Variants in RASGRP3 observed in about 807,000 individuals in gnomAD.
The protein encoded by RASGRP3 is RAS guanyl releasing protein 3, also known as ras guanyl-releasing protein 3.
A neutral mutation model predicts 82.7 loss-of-function variants in RASGRP3; 54 were observed. The observed-to-expected ratio is 0.65, with a 90% CI of 0.52 to 0.82. The LOEUF is 0.82. Among genes scored for constraint, RASGRP3 ranks in the 40% least tolerant of loss-of-function variants. The pLI, the probability that RASGRP3 is intolerant of heterozygous loss-of-function variation, is 0.00. For missense variants in RASGRP3, 861 were observed against 828.9 expected (o/e 1.04, Z -0.48); for synonymous variants, 309 against 300.5 (o/e 1.03, Z -0.29).
rs75479776 is a variant in RASGRP3 at position 33,564,377 on chromosome 2, C to G, written c.*1640C>G. On this transcript the variant is annotated 3_prime_UTR_variant, in exon 18 of 18. Coordinates refer to ENST00000403687, the MANE Select transcript of RASGRP3 (RefSeq NM_001139488.2). ...GTGATTAAGCTGGATAATAAGAGAA[C>G]GTGCCATCTGTAAAGCACTCAGAAG... is the stretch of plus-strand genomic sequence containing the variant. 5.3e-5 allele frequency: 8 copies of G among 152,242 alleles called. No individual in the cohort carries two copies. The highest frequency in any genetic ancestry group is 1.7e-4 in the African/African-American group (7 of 41,546). The allele number at this position is 152,242 out of a possible 1,614,324, so 9.4% of individuals were successfully genotyped here. A position where few individuals can be genotyped will look rare whatever the true frequency, so the allele number is the denominator to read the frequency against.
At chr2:33,438,756 G>T (rs1454982712) in intron 1 of RASGRP3, among the ~76,000 whole-genome samples, 1 of 152,048 alleles carries the variant, frequency 6.6e-6, no homozygotes, top group Non-Finnish European at 1.5e-5. Context: ...TAATTACATA[G>T]AAATGTATTG....
intron 2 of RASGRP3, among the ~76,000 whole-genome samples, chr2:33,467,500 G>A (rs1666769562): frequency 6.6e-6 from 1 of 152,190 alleles, no homozygotes; most frequent in Admixed American, 6.5e-5. Flanking sequence ...GTCTGAAAAA[G>A]AGATTGCACA....
At chr2:33,513,684 G>A (rs1347201604) in intron 2 of RASGRP3, among the ~76,000 whole-genome samples, 2 of 152,210 alleles carry the variant, frequency 1.3e-5, no homozygotes, top group African/African-American at 4.8e-5. Flanking sequence ...GACCTGCTCT[G>A]TAAAATAAAG....
chr2:33,558,515 C>G (rs1185433789), intron 16 of RASGRP3, among the ~76,000 whole-genome samples, 157 bp from the exon 17 acceptor site: 1 of 152,166 alleles, frequency 6.6e-6, no homozygotes, highest in East Asian at 1.9e-4. Flanking sequence ...GCTTTCTAGT[C>G]TCAGGAATAT....
chr2:33,537,959 A>T (rs748440889), intron 11 of RASGRP3, among the ~76,000 whole-genome samples: 2 of 152,254 alleles, frequency 1.3e-5, no homozygotes, highest in African/African-American at 2.4e-5. Context: ...CAGAACAGTC[A>T]GAAGTGCTTA....
intron 1 of RASGRP3, among the ~76,000 whole-genome samples, chr2:33,444,949 C>T (rs1169017552): frequency 6.6e-6 from 1 of 152,174 alleles, no homozygotes; most frequent in Non-Finnish European, 1.5e-5. Context: ...ACATTATGCT[C>T]CTAATAGTGC....
At chr2:33,470,155 G>A (rs937926011) in intron 2 of RASGRP3, among the ~76,000 whole-genome samples, 14 of 151,678 alleles carry the variant, frequency 9.2e-5, no homozygotes, top group Admixed American at 3.3e-4. Flanking sequence ...AATTTATTTG[G>A]GATTTTAAGC....
At chr2:33,479,446 G>A (rs1311765325) in intron 1 of RASGRP3, among the ~76,000 whole-genome samples, 1 of 152,148 alleles carries the variant, frequency 6.6e-6, no homozygotes, top group East Asian at 1.9e-4. Context: ...AGCTGGCTTA[G>A]TGTTGATAAA....
intron 1 of RASGRP3, among the ~76,000 whole-genome samples, chr2:33,511,039 C>T (rs1233268919): frequency 1.3e-5 from 2 of 152,106 alleles, no homozygotes; most frequent in East Asian, 3.9e-4. Flanking sequence ...ATATTGTAGC[C>T]TTTGAAATCA....
Position 33,465,898 on chromosome 2 carries a change from C to T in RASGRP3, c.-261+17955C>T, listed in dbSNP as rs146124248. On this transcript the variant is annotated intron_variant, in intron 2 of 18. Coordinates refer to the RASGRP3 transcript ENST00000402538. ...TTCTCTATAAATGGAACAACAAAGCCTGGATAACAGCACATTTGTTTATAG... is the reference window on the plus strand; with the variant it reads ...TTCTCTATAAATGGAACAACAAAGCTTGGATAACAGCACATTTGTTTATAG... 4.9e-3 allele frequency among the ~76,000 whole-genome samples: 750 copies of T among 151,520 alleles called. 3 individuals carry two copies. Among genetic ancestry groups the T allele is most frequent in the Middle Eastern group, 0.017 (5 of 294 alleles).
intron 1 of RASGRP3, among the ~76,000 whole-genome samples, chr2:33,441,431 G>A (rs562418322): frequency 3.3e-5 from 5 of 152,292 alleles, no homozygotes; most frequent in Non-Finnish European, 5.9e-5. Context: ...CTCTCTAGTG[G>A]CAATACCAGA....
Position 33,470,631 on chromosome 2 carries a change from G to A in RASGRP3, c.-261+22688G>A, listed in dbSNP as rs181562598. ...CCTGACCTTGTGATCCACCCTCCTC[G>A]GCCTCCCAAAGTGCTGGGATTATGG... is the stretch of plus-strand genomic sequence containing the variant. On this transcript the variant is annotated intron_variant, in intron 2 of 18. Transcript: ENST00000402538. Among the ~76,000 whole-genome samples the A allele has an allele frequency of 1.7e-3, 259 of 151,972 alleles. 1 individual carries two copies. The East Asian group carries it at 0.02, about 12-fold the overall frequency.
upstream of RASGRP3, among the ~76,000 whole-genome samples, chr2:33,472,773 G>A (rs144917187): frequency 0.028 from 4,234 of 150,070 alleles, 193 homozygotes; most frequent in African/African-American, 0.098. Context: ...TGGCCAACAT[G>A]GTGAAACCCC....
At chr2:33,499,495 T>C (rs1430044801) in intron 1 of RASGRP3, among the ~76,000 whole-genome samples, 1 of 151,638 alleles carries the variant, frequency 6.6e-6, no homozygotes, top group Admixed American at 6.6e-5. Flanking sequence ...GAGGTGGAGG[T>C]TGCAGTGTGC....
intron 1 of RASGRP3, among the ~76,000 whole-genome samples, chr2:33,478,056 T>C (rs1667538966): frequency 6.6e-6 from 1 of 152,096 alleles, no homozygotes; most frequent in Non-Finnish European, 1.5e-5. Flanking sequence ...CCATCCTTTG[T>C]TGTTTGTGGA....
intron 1 of RASGRP3, chr2:33,481,677 T>C (rs563033749): frequency 6.6e-6 from 1 of 152,274 alleles, no homozygotes; most frequent in Non-Finnish European, 1.5e-5. Context: ...AGCTTAGTCT[T>C]CAGACACCGT....
rs1194878821 is a variant in RASGRP3 at position 33,524,517 on chromosome 2, C to T, written c.776C>T (p.Thr259Ile). Residue 259 changes from threonine (T) to isoleucine (I), a missense_variant, in exon 9 of 18, where the codon ACC becomes ATC. Physicochemically the swap from Thr to Ile is moderately conservative, Grantham distance 89. Transcript: ENST00000403687. ...AGTTCCATTTCACGCCTCAAAGAGACCCATTCTCATCTTTCTTCAGAAGTT... is the reference window on the plus strand; with the variant it reads ...AGTTCCATTTCACGCCTCAAAGAGATCCATTCTCATCTTTCTTCAGAAGTT... ...SHSSISRLKE[T>I]HSHLSSEVTK... The T allele has an allele frequency of 1.2e-6, 2 of 1,601,488 alleles. No individual in the cohort carries two copies. Among genetic ancestry groups the T allele is most frequent in the Non-Finnish European group, 1.7e-6 (2 of 1,173,336 alleles).
chr2:33,463,268 A>T (rs1666480835), intron 2 of RASGRP3, among the ~76,000 whole-genome samples: 1 of 152,226 alleles, frequency 6.6e-6, no homozygotes, highest in South Asian at 2.1e-4. Context: ...AGTTTATAGA[A>T]GATGATTAGA....
chr2:33,489,488 G>A (rs984499643), intron 1 of RASGRP3, among the ~76,000 whole-genome samples: 1 of 152,218 alleles, frequency 6.6e-6, no homozygotes, highest in Non-Finnish European at 1.5e-5. Flanking sequence ...ATGTTGGCAG[G>A]CAAGGATACT....
Sources: allele counts gnomAD v4.1 joint callset (sites outside exome capture counted in the v4.1 genomes callset), GRCh38; gene constraint gnomAD v4.1.1; transcripts MANE v1.5; gene names NCBI Gene and HGNC (gene_info 2026-07-23, HGNC 2026-07-21).